CEP70: variants seen among roughly 807,000 people sequenced by gnomAD.
The protein encoded by CEP70 is centrosomal protein of 70 kDa.
In CEP70, 70 loss-of-function variants were observed where a neutral mutation model predicts 90.9. That is an observed-to-expected ratio of 0.77 (90% CI 0.64 to 0.94). CEP70 has a LOEUF of 0.94. Among genes scored for constraint, CEP70 ranks in the 40% least tolerant of loss-of-function variants. The pLI is 0.00. For synonymous variants in CEP70, 220 were observed against 228.3 expected (o/e 0.96, Z 0.33); for missense variants, 648 against 669.0 (o/e 0.97, Z 0.35).
At chr3:138,546,802 T>C (rs568174234) in intron 6 of CEP70, among the ~76,000 whole-genome samples, 1 of 152,110 alleles carries the variant, frequency 6.6e-6, no homozygotes, top group Non-Finnish European at 1.5e-5. Context: ...CTTATTAATA[T>C]ACTATTCATA....
chr3:138,514,878 A>G (rs1226536687), intron 11 of CEP70, among the ~76,000 whole-genome samples: 1 of 152,130 alleles, frequency 6.6e-6, no homozygotes, highest in Admixed American at 6.5e-5. Context: ...CAAGTTATAT[A>G]ACACTCCCAA....
intron 12 of CEP70, among the ~76,000 whole-genome samples, chr3:138,507,418 C>T (rs995130729): frequency 1.3e-5 from 2 of 151,974 alleles, no homozygotes; most frequent in African/African-American, 4.8e-5. Flanking sequence ...ATTTGAAAAA[C>T]TGTTCATCCA....
chr3:138,537,441 T>C (rs2038379733), intron 6 of CEP70, 94 bp from the exon 7 acceptor site: 4 of 793,048 alleles, frequency 5.0e-6, no homozygotes, highest in Middle Eastern at 3.4e-4. Flanking sequence ...TCATAGTTTC[T>C]ACTGAGCTGT....
At chr3:138,530,186 C>A (rs1331619585) in intron 8 of CEP70, among the ~76,000 whole-genome samples, 3 of 152,152 alleles carry the variant, frequency 2.0e-5, no homozygotes, top group Non-Finnish European at 4.4e-5. Context: ...CTAGTGGTTA[C>A]CGCTTAACAC....
intron 6 of CEP70, among the ~76,000 whole-genome samples, chr3:138,547,638 A>G (rs1442395507): frequency 6.6e-6 from 1 of 152,214 alleles, no homozygotes; most frequent in Admixed American, 6.5e-5. Flanking sequence ...AATTGCCAGC[A>G]TCATTCCTCT....
chr3:138,497,230 A>G (rs1423658598), intron 17 of CEP70: 1 of 1,248,600 alleles, frequency 8.0e-7, no homozygotes, highest in Non-Finnish European at 1.0e-6. Flanking sequence ...TTCTAATTAG[A>G]TACTTCTTTC....
At chr3:138,503,359 T>C (rs779364765) in intron 13 of CEP70, among the ~76,000 whole-genome samples, 5 of 152,194 alleles carry the variant, frequency 3.3e-5, no homozygotes, top group Admixed American at 6.5e-5. Flanking sequence ...TTCTTTCCTT[T>C]TAATGGCTGA....
At chr3:138,562,164 G>C (rs560118859) in intron 6 of CEP70, among the ~76,000 whole-genome samples, 19 of 151,934 alleles carry the variant, frequency 1.3e-4, no homozygotes, top group African/African-American at 4.6e-4. Context: ...AAAAAAGAAT[G>C]AAAAGGAATG....
chr3:138,517,799 G>A lies in CEP70; in HGVS notation c.944+7691C>T, dbSNP rs572784570. Among the ~76,000 whole-genome samples the A allele has an allele frequency of 1.3e-4, 20 of 152,328 alleles. No individual in the cohort carries two copies. The South Asian group carries it at 3.5e-3, about 27-fold the overall frequency. On this transcript the variant is annotated intron_variant, in intron 11 of 17. Coordinates refer to ENST00000264982, the MANE Select transcript of CEP70 (RefSeq NM_024491.4). ...ATTTCTGCATTTCCAACTGAGGTAC[G>A]AGGTTCATCTCACTGGGGAGTGTCG...
At chr3:138,556,111 C>T (rs1193415270) in intron 6 of CEP70, among the ~76,000 whole-genome samples, 1 of 152,174 alleles carries the variant, frequency 6.6e-6, no homozygotes, top group Non-Finnish European at 1.5e-5. Flanking sequence ...GAATCAATGG[C>T]ATTCGCAGCA....
intron 11 of CEP70, among the ~76,000 whole-genome samples, chr3:138,515,696 A>G (rs1242293274): frequency 1.3e-5 from 2 of 152,198 alleles, no homozygotes; most frequent in African/African-American, 4.8e-5. Context: ...AAATTCATAA[A>G]TATGGAATCT....
intron 6 of CEP70, among the ~76,000 whole-genome samples, chr3:138,540,406 G>A (rs536724953): frequency 2.0e-5 from 3 of 150,776 alleles, no homozygotes; most frequent in African/African-American, 4.9e-5. Context: ...GAGGGGAATC[G>A]CTTGAACCTG....
intron 11 of CEP70, among the ~76,000 whole-genome samples, chr3:138,520,076 G>A (rs1000627751): frequency 6.6e-6 from 1 of 152,108 alleles, no homozygotes; most frequent in Admixed American, 6.6e-5. Context: ...AAGATCAAAA[G>A]AGACAAAGAA....
At chr3:138,509,678 T>A (rs1360981544) in intron 11 of CEP70, among the ~76,000 whole-genome samples, 1 of 152,112 alleles carries the variant, frequency 6.6e-6, no homozygotes. Flanking sequence ...CAGTAATAAA[T>A]AAGTTTTTTT....
At chr3:138,589,397 G>A (rs953248113) in intron 2 of CEP70, among the ~76,000 whole-genome samples, 3 of 151,650 alleles carry the variant, frequency 2.0e-5, no homozygotes, top group African/African-American at 7.3e-5. Context: ...GCTCATGCCT[G>A]TAATCTCAGC....
chr3:138,581,279 C>T (rs1177001871), intron 2 of CEP70, among the ~76,000 whole-genome samples: 1 of 136,306 alleles, frequency 7.3e-6, no homozygotes, highest in Non-Finnish European at 1.5e-5. Context: ...GAGACTCCAT[C>T]TCAAAAAAAA....
chr3:138,511,782 A>C (rs2108738027), intron 11 of CEP70, among the ~76,000 whole-genome samples: 2 of 152,330 alleles, frequency 1.3e-5, no homozygotes, highest in Middle Eastern at 6.8e-3. Context: ...TCACTCATTT[A>C]GTCCCATTGT....
intron 11 of CEP70, among the ~76,000 whole-genome samples, chr3:138,515,910 T>C (rs111685556): frequency 4.4e-4 from 67 of 152,284 alleles, no homozygotes; most frequent in African/African-American, 1.6e-3. Flanking sequence ...ACCACCTTGT[T>C]ATTCAAGGTT....
intron 11 of CEP70, among the ~76,000 whole-genome samples, chr3:138,516,601 G>A (rs906375511): frequency 8.5e-5 from 13 of 152,052 alleles, no homozygotes; most frequent in Admixed American, 2.0e-4. Flanking sequence ...GCCCAGTCTG[G>A]TCTCAAACTC....
Sources: allele counts gnomAD v4.1 joint callset (sites outside exome capture counted in the v4.1 genomes callset), GRCh38; gene constraint gnomAD v4.1.1; transcripts MANE v1.5; gene names NCBI Gene and HGNC (gene_info 2026-07-23, HGNC 2026-07-21).